The following FYB1 variants were observed in gnomAD, a reference collection of about 807,000 sequenced individuals.
The protein encoded by FYB1 is FYN binding protein 1, also known as FYN-binding protein 1.
FYB1 carries 41 observed loss-of-function variants against 94.1 expected under a neutral mutation model. That is an observed-to-expected ratio of 0.44 (90% CI 0.34 to 0.57). FYB1 has a LOEUF of 0.57. FYB1 is among the 20% of genes least tolerant of loss of function. FYB1 has a pLI of 0.02. For missense variants in FYB1, 1,050 were observed against 976.8 expected, an observed-to-expected ratio of 1.07 and a Z score of -1.00; for synonymous variants, 367 against 353.2, an observed-to-expected ratio of 1.04 and a Z score of -0.44.
chr5:39,143,399 C>A (rs1303533931), intron 3 of FYB1, among the ~76,000 whole-genome samples: 2 of 147,870 alleles, frequency 1.4e-5, no homozygotes, highest in East Asian at 4.2e-4. Context: ...AATTTACTTC[C>A]CTCTTCCATT....
At chr5:39,119,064 T>G (rs1174946463) in intron 15 of FYB1, 28 bp from the exon 16 acceptor site, 1 of 1,124,854 alleles carries the variant, frequency 8.9e-7, no homozygotes, top group Admixed American at 3.3e-5. Flanking sequence ...ATATTTAAAT[T>G]ATTGGTTTAT....
intron 1 of FYB1, among the ~76,000 whole-genome samples, chr5:39,273,030 G>A (rs938598763): frequency 3.9e-5 from 6 of 152,266 alleles, no homozygotes; most frequent in African/African-American, 1.4e-4. Context: ...GGTGGGGGGC[G>A]CCTCCGCCCG....
rs57111701 is a variant in FYB1, at chr5:39,182,287, ATGTGTGTGTGTGTG to A, written c.1135+19525_1135+19538del. 0.015 allele frequency among the ~76,000 whole-genome samples: 2,073 copies of A among 140,226 alleles called. 72 individuals carry two copies. In the East Asian group the frequency reaches 0.16, roughly 11 times the overall value. The allele number at this position is 140,226 out of a possible 152,430, so 92.0% of individuals were successfully genotyped here. On this transcript the variant is annotated intron_variant, in intron 2 of 18. Coordinates refer to ENST00000512982, the MANE Select transcript of FYB1 (RefSeq NM_001465.6). Reference sequence around the variant, plus strand: ...ATGCTTTTTGTGTGTGTGTGCATGCATGTGTGTGTGTGTGTGTGTGTGTGTGTGTGTGTGTGTGT... The same window carrying A: ...ATGCTTTTTGTGTGTGTGTGCATGCATGTGTGTGTGTGTGTGTGTGTGTGT...
At chr5:39,161,481 G>A (rs981775045) in intron 2 of FYB1, among the ~76,000 whole-genome samples, 8 of 151,752 alleles carry the variant, frequency 5.3e-5, no homozygotes, top group African/African-American at 1.9e-4. Context: ...TATATTCTAT[G>A]TATTTTTTTA....
At chr5:39,156,365 G>C (rs1440224723) in intron 2 of FYB1, among the ~76,000 whole-genome samples, 2 of 152,182 alleles carry the variant, frequency 1.3e-5, no homozygotes, top group African/African-American at 4.8e-5. Context: ...CTAGAAGGGG[G>C]TCCTCCTTGA....
chr5:39,252,326 CTT>C (rs1404584783), intron 1 of FYB1, among the ~76,000 whole-genome samples: 2 of 151,954 alleles, frequency 1.3e-5, no homozygotes, highest in Non-Finnish European at 2.9e-5. Flanking sequence ...ATGAATTAAA[CTT>C]AAGTGAAAAA....
chr5:39,271,916 T>C (rs1752678836), intron 1 of FYB1, among the ~76,000 whole-genome samples: 2 of 152,168 alleles, frequency 1.3e-5, no homozygotes, highest in African/African-American at 2.4e-5. Flanking sequence ...AGGCATACTT[T>C]TAAGTATAAC....
intron 2 of FYB1, among the ~76,000 whole-genome samples, chr5:39,175,053 A>G (rs912403464): frequency 4.6e-5 from 7 of 152,018 alleles, no homozygotes; most frequent in African/African-American, 1.7e-4. Context: ...TTGTGGTGGG[A>G]TGATTATTTA....
intron 3 of FYB1, among the ~76,000 whole-genome samples, chr5:39,151,062 AAC>A (rs1743207807): frequency 6.6e-6 from 1 of 152,080 alleles, no homozygotes; most frequent in African/African-American, 2.4e-5. Flanking sequence ...CTGTGCCTAG[AAC>A]AGTCTTCCTT....
rs147542634 is a variant in FYB1, at chr5:39,267,957, A to G, written c.-28+6446T>C. On this transcript the variant is annotated intron_variant, in intron 1 of 1. Coordinates refer to the FYB1 transcript ENST00000510188. ...AGAGACAACTGAAATGTCCAACTCTATGGAACTGATTAAAACAAATTGTGG... is the reference window on the plus strand; with the variant it reads ...AGAGACAACTGAAATGTCCAACTCTGTGGAACTGATTAAAACAAATTGTGG... Among the ~76,000 whole-genome samples, 11 of 152,350 alleles carry G rather than the reference A, an allele frequency of 7.2e-5. No homozygotes were observed. The East Asian group carries it at 2.1e-3, about 29-fold the overall frequency.
intron 1 of FYB1, among the ~76,000 whole-genome samples, chr5:39,226,815 T>C (rs779229439): frequency 2.0e-5 from 3 of 152,200 alleles, no homozygotes; most frequent in Non-Finnish European, 4.4e-5. Flanking sequence ...TGTAACTAGC[T>C]CCCTCCTCCA....
At chr5:39,256,009 T>C (rs1751923158) in intron 1 of FYB1, among the ~76,000 whole-genome samples, 1 of 152,250 alleles carries the variant, frequency 6.6e-6, no homozygotes, top group Non-Finnish European at 1.5e-5. Flanking sequence ...TCCAAATGTA[T>C]TAGAACAGTT....
Position 39,201,950 on chromosome 5 carries a change from C to T in FYB1, c.1011G>A (p.Lys337=). 1 of 1,613,974 alleles carries T rather than the reference C, an allele frequency of 6.2e-7. No individual in the cohort carries two copies. The highest frequency in any genetic ancestry group is 1.1e-5 in the South Asian group (1 of 91,090). ...GCTTCTGTTTCGGGGTGGCTGAATT[C>T]TTGTCTCCCTTTTCCTTTTCCTGAC... ...GQSQEKEKGD[K]NSATPKQKPL... Residue 337 remains lysine (K), a synonymous_variant, in exon 2 of 19, where the codon AAG becomes AAA. Coordinates refer to ENST00000512982, the MANE Select transcript of FYB1 (RefSeq NM_001465.6).
chr5:39,149,824 C>T (rs1012526704), intron 3 of FYB1, among the ~76,000 whole-genome samples: 2 of 152,122 alleles, frequency 1.3e-5, no homozygotes, highest in African/African-American at 4.8e-5. Flanking sequence ...GCCCCTTCTC[C>T]TCCTCCCAGG....
chr5:39,167,581 G>A (rs187508042), intron 2 of FYB1, among the ~76,000 whole-genome samples: 5 of 152,280 alleles, frequency 3.3e-5, no homozygotes, highest in Admixed American at 1.3e-4. Flanking sequence ...ATGTTCCAGA[G>A]TATTCTGTGT....
At chr5:39,184,147 GATCTT>G in intron 2 of FYB1, among the ~76,000 whole-genome samples, 1 of 152,070 alleles carries the variant, frequency 6.6e-6, no homozygotes, top group Non-Finnish European at 1.5e-5. Context: ...GTAATTTTGT[GATCTT>G]ATAAGAAAAT....
intron 1 of FYB1, among the ~76,000 whole-genome samples, chr5:39,242,702 G>A (rs547527715): frequency 3.3e-5 from 5 of 152,132 alleles, no homozygotes; most frequent in African/African-American, 7.2e-5. Context: ...CTAGATCCCC[G>A]AGGAATCACC....
intron 5 of FYB1, 49 bp downstream of exon 5, chr5:39,139,183 GA>G: frequency 7.1e-7 from 1 of 1,399,294 alleles, no homozygotes; most frequent in Non-Finnish European, 9.6e-7. Context: ...TAATACTTGT[GA>G]AATATTCTGA....
At chr5:39,261,896 G>A (rs1334422600) in intron 1 of FYB1, among the ~76,000 whole-genome samples, 1 of 152,176 alleles carries the variant, frequency 6.6e-6, no homozygotes, top group African/African-American at 2.4e-5. Flanking sequence ...GAAAGTGATG[G>A]GGGAAAAGAA....
Sources: gnomAD v4.1 joint callset for allele counts (sites outside exome capture counted in the v4.1 genomes callset) on GRCh38, gnomAD v4.1.1 for gene constraint, MANE v1.5 for transcripts, NCBI Gene and HGNC (gene_info 2026-07-23, HGNC 2026-07-21) for gene names.